The following PPP3CC variants were observed in gnomAD, a reference collection of about 807,000 sequenced individuals.
PPP3CC encodes serine/threonine-protein phosphatase 2B catalytic subunit gamma isoform.
Under a neutral mutation model 60.3 loss-of-function variants are expected in PPP3CC, and 35 were observed. The ratio of observed to expected loss-of-function variants is 0.58; its 90% CI spans 0.44 to 0.77. The LOEUF (loss-of-function observed/expected upper bound fraction) is 0.77, where lower values mean the gene tolerates loss of function less well. Ranked by LOEUF, PPP3CC falls within the 30% of genes least tolerant of loss-of-function variation. PPP3CC has a pLI of 0.00. For synonymous variants in PPP3CC, 206 were observed against 224.3 expected, an observed-to-expected ratio of 0.92 and a Z score of 0.73; for missense variants, 570 against 628.9, an observed-to-expected ratio of 0.91 and a Z score of 1.00.
intron 1 of PPP3CC, among the ~76,000 whole-genome samples, chr8:22,447,966 A>G (rs1261648887): frequency 6.6e-6 from 1 of 152,248 alleles, no homozygotes; most frequent in Non-Finnish European, 1.5e-5. Context: ...CTAACAGTTC[A>G]TGAAGGTTTT....
intron 3 of PPP3CC, among the ~76,000 whole-genome samples, chr8:22,488,125 C>A (rs1838278905): frequency 6.6e-6 from 1 of 151,920 alleles, no homozygotes; most frequent in African/African-American, 2.4e-5. Context: ...CAAATGTATA[C>A]CCAGATAAAT....
chr8:22,531,010 A>G (rs1179638330), intron 10 of PPP3CC, among the ~76,000 whole-genome samples: 2 of 152,042 alleles, frequency 1.3e-5, no homozygotes, highest in Non-Finnish European at 2.9e-5. Context: ...TCTTTGTTTA[A>G]TGTTATTTTC....
chr8:22,521,974 AC>A (rs34406817), intron 6 of PPP3CC, among the ~76,000 whole-genome samples: 63,140 of 146,020 alleles, frequency 0.43, 13,424 homozygotes, highest in East Asian at 0.54. Flanking sequence ...AAAAAAAAAA[AC>A]AAACCTATAT....
At chr8:22,493,029 G>A (rs1838454437) in intron 3 of PPP3CC, 11 of 1,341,338 alleles carry the variant, frequency 8.2e-6, no homozygotes, top group South Asian at 1.2e-5. Flanking sequence ...AGAGGATGAC[G>A]ATGAAGTTCC....
At chr8:22,502,907 G>A (rs949950298) in intron 4 of PPP3CC, among the ~76,000 whole-genome samples, 10 of 151,998 alleles carry the variant, frequency 6.6e-5, no homozygotes, top group African/African-American at 2.2e-4. Flanking sequence ...TTTTTTAGAT[G>A]CAGTGTTGAC....
chr8:22,521,772 G>T lies in PPP3CC; in HGVS notation c.771-719G>T, dbSNP rs57331951. 7.3e-3 allele frequency among the ~76,000 whole-genome samples: 1,107 copies of T among 152,046 alleles called. 8 individuals carry two copies. Among genetic ancestry groups the T allele is most frequent in the African/African-American group, 0.025 (1,053 of 41,454 alleles). ...TGTATACTCCAGTTCTTCCTATCAG[G>T]TATTTGTCATTCAGAGAGGTAATAG... is the stretch of plus-strand genomic sequence containing the variant. On this transcript the variant is annotated intron_variant, in intron 6 of 13. Coordinates refer to ENST00000240139, the MANE Select transcript of PPP3CC (RefSeq NM_005605.5).
At chr8:22,479,071 A>T (rs1239515440) in intron 3 of PPP3CC, among the ~76,000 whole-genome samples, 1 of 152,184 alleles carries the variant, frequency 6.6e-6, no homozygotes, top group East Asian at 1.9e-4. Context: ...AACCACTAAG[A>T]TTATAAACCT....
intron 3 of PPP3CC, among the ~76,000 whole-genome samples, chr8:22,485,446 G>A (rs1257630563): frequency 6.6e-6 from 1 of 152,142 alleles, no homozygotes; most frequent in Admixed American, 6.5e-5. Context: ...CAGACGGGAA[G>A]GGGAAAGACA....
rs536118582 is a variant in PPP3CC, at chr8:22,461,825, G to C, written c.50-13129G>C. 2.0e-5 allele frequency among the ~76,000 whole-genome samples: 3 copies of C among 152,332 alleles called. No individual in the cohort carries two copies. In the East Asian group the frequency reaches 5.8e-4, roughly 29 times the overall value. On this transcript the variant is annotated intron_variant, in intron 1 of 13. Coordinates refer to ENST00000240139, the MANE Select transcript of PPP3CC (RefSeq NM_005605.5). ...AGGGATTGGCTAGAATATGTAATTT[G>C]AGTGAGTTGCTGGAACAGCCAGTAG... is the stretch of plus-strand genomic sequence containing the variant.
chr8:22,458,099 A>C (rs1837261636), intron 1 of PPP3CC, among the ~76,000 whole-genome samples: 1 of 151,784 alleles, frequency 6.6e-6, no homozygotes, highest in Non-Finnish European at 1.5e-5. Flanking sequence ...CGCACCAAAA[A>C]ACAAAAAAAA....
At chr8:22,461,937 A>G (rs1837373903) in intron 1 of PPP3CC, among the ~76,000 whole-genome samples, 1 of 152,192 alleles carries the variant, frequency 6.6e-6, no homozygotes, top group Non-Finnish European at 1.5e-5. Flanking sequence ...GTGAGCTGAT[A>G]TTAATAAAGG....
intron 3 of PPP3CC, among the ~76,000 whole-genome samples, chr8:22,490,311 G>A (rs1008109478): frequency 6.6e-6 from 1 of 152,110 alleles, no homozygotes; most frequent in African/African-American, 2.4e-5. Context: ...GGCGTGGGGT[G>A]GAACCTGGCA....
chr8:22,445,244 A>G (rs1405599087), intron 1 of PPP3CC, among the ~76,000 whole-genome samples: 1 of 152,206 alleles, frequency 6.6e-6, no homozygotes, highest in Admixed American at 6.5e-5. Context: ...AGTGTGGACA[A>G]AAATTGCTAT....
In PPP3CC at chr8:22,528,493, T is replaced by G; in HGVS notation, c.1070-13T>G. On this transcript the variant is annotated splice_polypyrimidine_tract_variant and intron_variant, in intron 9 of 13. Transcript: ENST00000240139. ...TTAATCGCGTAAATTTTGGATTATT[T>G]TGTCTTACTTAGTCACAGAGATGCT... The G allele has an allele frequency of 1.3e-6, 2 of 1,500,426 alleles. No homozygotes were observed. Among genetic ancestry groups the G allele is most frequent in the Non-Finnish European group, 1.8e-6 (2 of 1,114,490 alleles). 92.9% of individuals were successfully genotyped at this position (1,500,426 alleles called of 1,614,324 possible).
chr8:22,528,350 C>T (rs1839614557), intron 9 of PPP3CC, among the ~76,000 whole-genome samples, 156 bp from the exon 10 acceptor site: 2 of 152,232 alleles, frequency 1.3e-5, no homozygotes, highest in South Asian at 4.1e-4. Flanking sequence ...TGAAAGTTTA[C>T]ATTTATGCTA....
At position 22,441,473 on chromosome 8, in the gene PPP3CC, G is replaced by C; in HGVS notation, c.49+15G>C. On this transcript the variant is annotated intron_variant, in intron 1 of 13. Transcript: ENST00000240139. Reference sequence around the variant, plus strand: ...CGTCATCAAAGGTGCCTGGCGGGCCGGGCCTTCCTCTGGGACCCGCGGGAA... The same window carrying C: ...CGTCATCAAAGGTGCCTGGCGGGCCCGGCCTTCCTCTGGGACCCGCGGGAA... 3 of 1,528,236 alleles carry C rather than the reference G, an allele frequency of 2.0e-6. No individual in the cohort carries two copies. The highest frequency in any genetic ancestry group is 2.6e-6 in the Non-Finnish European group (3 of 1,136,288). 94.7% of individuals were successfully genotyped at this position (1,528,236 alleles called of 1,614,324 possible). A position where few individuals can be genotyped will look rare whatever the true frequency, so the allele number is the denominator to read the frequency against.
chr8:22,453,783 T>TA (rs1837107233), intron 1 of PPP3CC, among the ~76,000 whole-genome samples: 2 of 152,196 alleles, frequency 1.3e-5, no homozygotes, highest in African/African-American at 4.8e-5. Context: ...TAGGCAACTG[T>TA]AACACAACAG....
At chr8:22,495,839 G>A (rs148644173) in intron 3 of PPP3CC, among the ~76,000 whole-genome samples, 7 of 152,208 alleles carry the variant, frequency 4.6e-5, no homozygotes, top group South Asian at 2.1e-4. Flanking sequence ...GATTGCAGGC[G>A]TGAGCCACCA....
Position 22,532,917 on chromosome 8 carries a change from G to A in PPP3CC, c.1224-4G>A. ...TTAACCCAGGGTTTGGTCTCCCTTT[G>A]CAGGCAAGAAAGTGAGAGTGTGCTG... On this transcript the variant is annotated splice_polypyrimidine_tract_variant and splice_region_variant and intron_variant, in intron 11 of 13. Transcript: ENST00000240139. 6.4e-7 allele frequency: 1 copy of A among 1,572,146 alleles called. No homozygotes were observed. The highest frequency in any genetic ancestry group is 8.6e-7 in the Non-Finnish European group (1 of 1,156,846).
Sources: allele counts gnomAD v4.1 joint callset (sites outside exome capture counted in the v4.1 genomes callset), GRCh38; gene constraint gnomAD v4.1.1; transcripts MANE v1.5; gene names NCBI Gene and HGNC (gene_info 2026-07-23, HGNC 2026-07-21).